Variants in RYR3 observed in about 807,000 individuals in gnomAD.
The protein encoded by RYR3 is brain ryanodine receptor-calcium release channel.
In RYR3, 207 loss-of-function variants were observed where a neutral mutation model predicts 584.3. The observed-to-expected ratio is 0.35, with a 90% confidence interval of 0.32 to 0.40. The LOEUF (loss-of-function observed/expected upper bound fraction) is 0.40. RYR3 is among the 10% of genes least tolerant of loss of function. The pLI is 1.00. For missense variants in RYR3, 5,616 were observed against 6,089.2 expected, an observed-to-expected ratio of 0.92 and a Z score of 2.59; for synonymous variants, 2,416 against 2,248.5, an observed-to-expected ratio of 1.07 and a Z score of -2.11.
chr15:33,488,413 C>T (rs927735053), intron 2 of RYR3, among the ~76,000 whole-genome samples: 4 of 149,650 alleles, frequency 2.7e-5, no homozygotes, highest in South Asian at 2.1e-4. Context: ...CTTCCTCCGC[C>T]GACTCCTGAA....
chr15:33,559,063 T>C (rs540972754), intron 10 of RYR3, among the ~76,000 whole-genome samples: 4 of 152,206 alleles, frequency 2.6e-5, no homozygotes, highest in Admixed American at 2.6e-4. Flanking sequence ...CTGGGGAGAT[T>C]AGTCTAGGGG....
At chr15:33,836,819 C>T in intron 87 of RYR3, 87 bp from the exon 88 acceptor site, 1 of 1,042,460 alleles carries the variant, frequency 9.6e-7, no homozygotes, top group South Asian at 1.5e-5. Flanking sequence ...TGCACCTAAC[C>T]TTTCCAGAGC....
At chr15:33,625,477 G>A (rs893581983) in intron 20 of RYR3, among the ~76,000 whole-genome samples, 2 of 152,090 alleles carry the variant, frequency 1.3e-5, no homozygotes, top group African/African-American at 4.8e-5. Context: ...AGATCATCTG[G>A]GTCCTGTATA....
intron 2 of RYR3, among the ~76,000 whole-genome samples, chr15:33,482,515 G>T (rs2050069974): frequency 6.6e-6 from 1 of 152,146 alleles, no homozygotes; most frequent in South Asian, 2.1e-4. Context: ...CCCCTCCCAG[G>T]TTCAAGCAAT....
rs372568152 is a variant in RYR3 at position 33,628,517 on chromosome 15, A to T, written c.2621A>T (p.Glu874Val). 2 of 1,613,880 alleles carry T rather than the reference A, an allele frequency of 1.2e-6. No homozygotes were observed. Among genetic ancestry groups the T allele is most frequent in the Admixed American group, 3.3e-5 (2 of 60,024 alleles). The change falls in exon 21 of 104, where the codon GAA becomes GTA. Residue 874 changes from glutamate to valine, a missense_variant. By Grantham distance (121) the Glu-to-Val change is moderately radical. Around this residue, in one of 9 missense-constraint regions of RYR3, gnomAD observed 1,284 missense variants for 1,344.6 expected, o/e 0.95. Transcript: ENST00000634891. Reference protein sequence around the residue: ...HLEKIRDRLAENIHELWGMNK... With the variant: ...HLEKIRDRLAVNIHELWGMNK... ...GAAAAGATCCGAGACAGACTAGCTGAAAACATCCATGAGCTTTGGGGAATG... is the reference window on the plus strand; with the variant it reads ...GAAAAGATCCGAGACAGACTAGCTGTAAACATCCATGAGCTTTGGGGAATG...
chr15:33,485,131 T>A (rs915298533), intron 2 of RYR3, among the ~76,000 whole-genome samples: 2 of 152,058 alleles, frequency 1.3e-5, no homozygotes, highest in Non-Finnish European at 2.9e-5. Flanking sequence ...AAGAGAAGAA[T>A]ATCAAGAAGG....
rs1450961380 is a variant in RYR3 at position 33,670,399 on chromosome 15, C to T, written c.5723-20C>T. 3 of 1,612,094 alleles carry T rather than the reference C, an allele frequency of 1.9e-6. No individual in the cohort carries two copies. Among genetic ancestry groups the T allele is most frequent in the African/African-American group, 2.7e-5 (2 of 74,786 alleles). On this transcript the variant is annotated intron_variant, in intron 37 of 103. Transcript: ENST00000634891. ...TTCATGCACTGCTTTGGATTTTCAC[C>T]CTGTTCTGTGGCTTGCTAGGGGTTC...
intron 102 of RYR3, among the ~76,000 whole-genome samples, 151 bp downstream of exon 102, chr15:33,861,329 C>G (rs1482787563): frequency 6.6e-6 from 1 of 152,180 alleles, no homozygotes; most frequent in Non-Finnish European, 1.5e-5. Context: ...TAGACTCTGT[C>G]TCTCCCATGT....
At chr15:33,571,398 G>A (rs116935597) in intron 12 of RYR3, among the ~76,000 whole-genome samples, 3,234 of 152,180 alleles carry the variant, frequency 0.021, 45 homozygotes, top group Middle Eastern at 0.051. Flanking sequence ...GGAGAATCGG[G>A]TATTGATGTT....
At chr15:33,634,145 G>A (rs150952063) in intron 24 of RYR3, among the ~76,000 whole-genome samples, 4,648 of 152,126 alleles carry the variant, frequency 0.031, 103 homozygotes, top group Middle Eastern at 0.058. Flanking sequence ...TTCATCTCCC[G>A]GGTTCAAGTG....
chr15:33,833,524 T>C (rs7167844), intron 86 of RYR3, among the ~76,000 whole-genome samples: 110,890 of 152,082 alleles, frequency 0.73, 40,805 homozygotes, highest in South Asian at 0.8. Context: ...AACCTAAAAA[T>C]AAGTTACTGA....
chr15:33,603,913 G>T (rs977675628), intron 18 of RYR3, among the ~76,000 whole-genome samples: 1 of 152,190 alleles, frequency 6.6e-6, no homozygotes, highest in African/African-American at 2.4e-5. Flanking sequence ...CACAATAGGT[G>T]CTAACCTTTT....
At chr15:33,402,266 G>A (rs2042729792) in intron 1 of RYR3, among the ~76,000 whole-genome samples, 1 of 152,158 alleles carries the variant, frequency 6.6e-6, no homozygotes. Flanking sequence ...ATTTACAAGA[G>A]TGTTCCTGAT....
At position 33,854,545 on chromosome 15, in the gene RYR3, T is replaced by C. The variant is rs1259069902; in HGVS notation, c.13860+96T>C. ...CAGGATGCTCAGAAGGGTTCAGGGA[T>C]TGCTTATCAAAGACCAAGAGCCTTA... On this transcript the variant is annotated intron_variant, in intron 97 of 103. Transcript: ENST00000634891. 19 of 1,149,910 alleles carry C rather than the reference T, an allele frequency of 1.7e-5. No homozygotes were observed. In the East Asian group the frequency reaches 2.0e-4, roughly 12 times the overall value. The allele number at this position is 1,149,910 out of a possible 1,614,324, so 71.2% of individuals were successfully genotyped here.
chr15:33,394,308 T>C (rs1005184170), intron 1 of RYR3, among the ~76,000 whole-genome samples: 2 of 152,178 alleles, frequency 1.3e-5, no homozygotes, highest in Non-Finnish European at 2.9e-5. Context: ...AGCTTTTCGA[T>C]AGAATTCAAC....
At chr15:33,857,131 C>G (rs181656678) in intron 98 of RYR3, among the ~76,000 whole-genome samples, 7 of 152,306 alleles carry the variant, frequency 4.6e-5, no homozygotes, top group Admixed American at 1.3e-4. Context: ...ATGCCCTATA[C>G]ATTAGTCTGC....
intron 1 of RYR3, among the ~76,000 whole-genome samples, chr15:33,367,436 A>G (rs1975665671): frequency 6.6e-6 from 1 of 152,176 alleles, no homozygotes; most frequent in Non-Finnish European, 1.5e-5. Flanking sequence ...TAGTTTAGGC[A>G]ATGGAGAAGT....
chr15:33,816,730 C>T (rs1370009250), intron 74 of RYR3, 132 bp from the exon 75 acceptor site: 2 of 563,840 alleles, frequency 3.5e-6, no homozygotes, highest in East Asian at 3.1e-5. Flanking sequence ...TGGTATGCTA[C>T]TGGCTACCCT....
At chr15:33,691,330 A>G (rs2065412152) in intron 38 of RYR3, among the ~76,000 whole-genome samples, 1 of 152,220 alleles carries the variant, frequency 6.6e-6, no homozygotes, top group Admixed American at 6.5e-5. Context: ...TTCATTATAA[A>G]ATAGTTTAAA....
Sources: allele counts gnomAD v4.1 joint callset (sites outside exome capture counted in the v4.1 genomes callset), GRCh38; gene constraint gnomAD v4.1.1; regional missense constraint gnomAD v4.1.1; transcripts MANE v1.5; gene names NCBI Gene and HGNC (gene_info 2026-07-23, HGNC 2026-07-21).